Variants in RAB6B observed in about 807,000 individuals in gnomAD.
RAB6B encodes RAB6B, member RAS oncogene family.
A neutral mutation model predicts 31.2 loss-of-function variants in RAB6B; 7 were observed. The ratio of observed to expected loss-of-function variants is 0.22; its 90% CI spans 0.13 to 0.42. The LOEUF (loss-of-function observed/expected upper bound fraction) is 0.42. RAB6B is among the 10% of genes least tolerant of loss of function. The probability of loss-of-function intolerance (pLI) is 1.00; values close to 1 mark genes in which losing one functional copy is unlikely to be tolerated. For synonymous variants in RAB6B, 105 were observed against 104.9 expected, an observed-to-expected ratio of 1.00 and a Z score of -0.01; for missense variants, 149 against 280.6, an observed-to-expected ratio of 0.53 and a Z score of 3.35.
Position 133,839,562 on chromosome 3 carries a change from C to T in RAB6B, c.345G>A (p.Arg115=). 1 of 1,614,206 alleles carries T rather than the reference C, an allele frequency of 6.2e-7. No individual in the cohort carries two copies. The highest frequency in any genetic ancestry group is 8.5e-7 in the Non-Finnish European group (1 of 1,180,026). The change falls in exon 5 of 8, where the codon AGG becomes AGA. Residue 115 remains arginine (R), a synonymous_variant. Transcript: ENST00000285208. ...SKWIDDVRTE[R]GSDVIIMLVG... Reference sequence around the variant, plus strand: ...CCAGCATGATGATAACATCACTGCCCCTCTCTGTCCTGACGTCGTCGATCC... The same window carrying T: ...CCAGCATGATGATAACATCACTGCCTCTCTCTGTCCTGACGTCGTCGATCC...
chr3:133,878,813 T>C (rs548927766), intron 1 of RAB6B, among the ~76,000 whole-genome samples: 2 of 152,304 alleles, frequency 1.3e-5, no homozygotes, highest in South Asian at 2.1e-4. Context: ...AAGAAAAATA[T>C]TGTCAACACA....
At chr3:133,841,742 G>C in intron 2 of RAB6B, 79 bp from the exon 3 acceptor site, 1 of 1,435,318 alleles carries the variant, frequency 7.0e-7, no homozygotes, top group Non-Finnish European at 9.7e-7. Context: ...CACAGGTGGT[G>C]GCATAACCAG....
intron 1 of RAB6B, among the ~76,000 whole-genome samples, chr3:133,865,013 C>T (rs1278692838): frequency 6.6e-6 from 1 of 152,256 alleles, no homozygotes; most frequent in African/African-American, 2.4e-5. Flanking sequence ...TCCTCTCGTA[C>T]TTGCCCATGT....
intron 1 of RAB6B, among the ~76,000 whole-genome samples, chr3:133,885,043 C>T (rs1017985447): frequency 6.7e-6 from 1 of 149,458 alleles, no homozygotes; most frequent in African/African-American, 2.5e-5. Flanking sequence ...GGCTCACACA[C>T]CAATGATCAG....
intron 1 of RAB6B, among the ~76,000 whole-genome samples, chr3:133,865,406 G>A (rs568155542): frequency 3.3e-5 from 5 of 152,354 alleles, no homozygotes; most frequent in African/African-American, 1.2e-4. Flanking sequence ...CCAAATTGTA[G>A]AATTTGGCTT....
chr3:133,835,468 T>G (rs2107987827), intron 6 of RAB6B, among the ~76,000 whole-genome samples: 2 of 116,136 alleles, frequency 1.7e-5, no homozygotes, highest in African/African-American at 4.0e-5. Flanking sequence ...TACATGTGGG[T>G]TTTCTGTGTG....
intron 2 of RAB6B, among the ~76,000 whole-genome samples, chr3:133,851,191 C>G (rs1437502917): frequency 1.3e-5 from 2 of 152,184 alleles, no homozygotes; most frequent in African/African-American, 4.8e-5. Context: ...GGAAAATATA[C>G]TAATGGAAAC....
intron 1 of RAB6B, among the ~76,000 whole-genome samples, chr3:133,880,735 C>T (rs1936455735): frequency 7.0e-6 from 1 of 142,964 alleles, no homozygotes; most frequent in Non-Finnish European, 1.5e-5. Flanking sequence ...AGGAGGAGGG[C>T]ACAGGCCCTG....
At chr3:133,876,404 C>G (rs531061969) in intron 1 of RAB6B, among the ~76,000 whole-genome samples, 1 of 152,306 alleles carries the variant, frequency 6.6e-6, no homozygotes, top group African/African-American at 2.4e-5. Flanking sequence ...CCCAATCATT[C>G]CTCTAATACA....
At chr3:133,880,505 G>A (rs976961448) in intron 1 of RAB6B, among the ~76,000 whole-genome samples, 9 of 152,238 alleles carry the variant, frequency 5.9e-5, no homozygotes, top group African/African-American at 2.2e-4. Flanking sequence ...CTAGACTGCA[G>A]GCTGATGCAG....
chr3:133,853,790 T>G (rs1415118995), intron 2 of RAB6B, among the ~76,000 whole-genome samples: 1 of 152,116 alleles, frequency 6.6e-6, no homozygotes, highest in Non-Finnish European at 1.5e-5. Flanking sequence ...GACTGTTGGA[T>G]CAAATGAGTT....
At chr3:133,831,227 G>GA (rs1576391284) in intron 7 of RAB6B, among the ~76,000 whole-genome samples, 2 of 152,200 alleles carry the variant, frequency 1.3e-5, no homozygotes, top group East Asian at 3.8e-4. Flanking sequence ...TAGATGTGGG[G>GA]ATGGGCCCCA....
intron 2 of RAB6B, among the ~76,000 whole-genome samples, chr3:133,850,638 A>G (rs1215181302): frequency 6.6e-6 from 1 of 152,172 alleles, no homozygotes; most frequent in African/African-American, 2.4e-5. Context: ...GAGAAAAAAA[A>G]TTGAGAAAAA....
In RAB6B at chr3:133,895,725, T is replaced by G; in HGVS notation, c.-259A>C. On this transcript the variant is annotated 5_prime_UTR_variant, in exon 1 of 8. Coordinates refer to ENST00000285208, the MANE Select transcript of RAB6B (RefSeq NM_016577.4). ...CTGCTGCGGTCGGCACTGGCTGCGG[T>G]GCGAGGGGCGCGCTCTTTACGCCCG... The G allele has an allele frequency of 4.0e-6, 2 of 493,940 alleles. No homozygotes were observed. Among genetic ancestry groups the G allele is most frequent in the Non-Finnish European group, 7.1e-6 (2 of 283,644 alleles). The allele number at this position is 493,940 out of a possible 1,614,324, so 30.6% of individuals were successfully genotyped here.
In RAB6B at chr3:133,855,262, A is replaced by AT. The variant is rs1936057191; in HGVS notation, c.129+9321dup. ...GCAGTCTCTGGCAAATAGGCTGGGC[A>AT]TATCCTTGCCAGAAGCGCAGTAATG... On this transcript the variant is annotated intron_variant, in intron 2 of 7. Transcript: ENST00000285208. Among the ~76,000 whole-genome samples the AT allele has an allele frequency of 1.3e-5, 2 of 152,290 alleles. 1 individual carries two copies. The highest frequency in any genetic ancestry group is 4.1e-4 in the South Asian group (2 of 4,838).
At chr3:133,883,374 G>A (rs1156952295) in intron 1 of RAB6B, among the ~76,000 whole-genome samples, 11 of 152,158 alleles carry the variant, frequency 7.2e-5, no homozygotes, top group Admixed American at 6.5e-4. Context: ...CTGGTCCATC[G>A]TCCTGTGCCC....
In RAB6B at chr3:133,864,590, T is replaced by C. The variant is rs1936209385; in HGVS notation, c.123A>G (p.Thr41=). The part of the protein sequence containing the change: ...TRFMYDSFDN[T]YQATIGIDFL... ...TGAGCACCCAGGACCTCACCTGGTA[T>C]GTGTTGTCGAAGCTGTCGTACATGA... is the stretch of plus-strand genomic sequence containing the variant. Residue 41 remains threonine, a synonymous_variant, in exon 2 of 8, where the codon ACA becomes ACG. Coordinates refer to ENST00000285208, the MANE Select transcript of RAB6B (RefSeq NM_016577.4). The C allele has an allele frequency of 1.2e-6, 2 of 1,613,982 alleles. No homozygotes were observed. Among genetic ancestry groups the C allele is most frequent in the Admixed American group, 3.3e-5 (2 of 60,000 alleles).
chr3:133,867,648 GC>G (rs1461858949), intron 1 of RAB6B, among the ~76,000 whole-genome samples: 1 of 152,174 alleles, frequency 6.6e-6, no homozygotes, highest in East Asian at 1.9e-4. Flanking sequence ...CCCGTCCCAG[GC>G]CAAGTCTGGA....
At chr3:133,854,429 C>G (rs1936046486) in intron 2 of RAB6B, among the ~76,000 whole-genome samples, 2 of 152,198 alleles carry the variant, frequency 1.3e-5, no homozygotes, top group South Asian at 4.1e-4. Flanking sequence ...GAGTTTCCTG[C>G]CAGCCAGTCC....
Sources: gnomAD v4.1 joint callset for allele counts (sites outside exome capture counted in the v4.1 genomes callset) on GRCh38, gnomAD v4.1.1 for gene constraint, MANE v1.5 for transcripts, NCBI Gene and HGNC (gene_info 2026-07-23, HGNC 2026-07-21) for gene names.